The following EHD3 variants were observed in gnomAD, a reference collection of about 807,000 sequenced individuals.
The protein encoded by EHD3 is EH domain-containing protein 3.
Under a neutral mutation model 43.0 loss-of-function variants are expected in EHD3, and 17 were observed. The ratio of observed to expected loss-of-function variants is 0.40; its 90% CI spans 0.27 to 0.59. The LOEUF is 0.59. Ranked by LOEUF, EHD3 falls within the 20% of genes least tolerant of loss-of-function variation. EHD3 has a pLI of 0.49. For synonymous variants in EHD3, 313 were observed against 289.5 expected (o/e 1.08, Z -0.82); for missense variants, 594 against 705.6 (o/e 0.84, Z 1.79).
At chr2:31,245,278 T>C (rs558945731) in intron 2 of EHD3, among the ~76,000 whole-genome samples, 12 of 152,266 alleles carry the variant, frequency 7.9e-5, no homozygotes, top group Admixed American at 2.0e-4. Flanking sequence ...CAAAACTTAC[T>C]TGTTTCTAAT....
chr2:31,251,305 T>C (rs1160662584), intron 3 of EHD3, among the ~76,000 whole-genome samples: 1 of 152,128 alleles, frequency 6.6e-6, no homozygotes, highest in Non-Finnish European at 1.5e-5. Flanking sequence ...CTGCCATGGC[T>C]GGGAGTGGAA....
rs185658570 is a variant in EHD3 at position 31,237,561 on chromosome 2, C to T, written c.227+2713C>T. Among the ~76,000 whole-genome samples, 28 of 152,156 alleles carry T rather than the reference C, an allele frequency of 1.8e-4. No individual in the cohort carries two copies. The East Asian group carries it at 3.3e-3, about 18-fold the overall frequency. On this transcript the variant is annotated intron_variant, in intron 1 of 5. Transcript: ENST00000322054. ...CTGGGGTTACGGGCACCCGCCAACA[C>T]GCCTGGCCAATTTTTGTATTTTAAG... is the stretch of plus-strand genomic sequence containing the variant.
intron 1 of EHD3, among the ~76,000 whole-genome samples, chr2:31,242,871 C>A (rs676251): frequency 0.15 from 22,330 of 151,928 alleles, 1,875 homozygotes; most frequent in African/African-American, 0.21. Flanking sequence ...GAGGCAGAAG[C>A]ATCACTTGAA....
At chr2:31,256,020 G>A (rs1251505817) in intron 3 of EHD3, among the ~76,000 whole-genome samples, 1 of 152,168 alleles carries the variant, frequency 6.6e-6, no homozygotes, top group African/African-American at 2.4e-5. Context: ...GCAGAGAATT[G>A]TGAACCGAGA....
At position 31,256,558 on chromosome 2, in the gene EHD3, C is replaced by T. The variant is rs185875780; in HGVS notation, c.503-3952C>T. 3.3e-3 allele frequency among the ~76,000 whole-genome samples: 498 copies of T among 152,256 alleles called. 1 individual carries two copies. The highest frequency in any genetic ancestry group is 0.012 in the African/African-American group (478 of 41,546). ...CTGCCCTGTCCAGCTCCCAGTGCAC[C>T]GAGGATGATTTCAGTGAGCTGAAGA... On this transcript the variant is annotated intron_variant, in intron 3 of 5. Coordinates refer to ENST00000322054, the MANE Select transcript of EHD3 (RefSeq NM_014600.3).
At chr2:31,241,668 A>G (rs1204289634) in intron 1 of EHD3, among the ~76,000 whole-genome samples, 1 of 152,144 alleles carries the variant, frequency 6.6e-6, no homozygotes, top group Non-Finnish European at 1.5e-5. Context: ...AGTCTGAACG[A>G]TTACCCGCCA....
At chr2:31,257,061 C>T (rs540533742) in intron 3 of EHD3, among the ~76,000 whole-genome samples, 1 of 152,338 alleles carries the variant, frequency 6.6e-6, no homozygotes, top group South Asian at 2.1e-4. Flanking sequence ...AGCAGCCCCT[C>T]CTGTGGCCTG....
intron 1 of EHD3, among the ~76,000 whole-genome samples, chr2:31,236,988 G>T (rs1683336110): frequency 6.6e-6 from 1 of 152,188 alleles, no homozygotes; most frequent in Non-Finnish European, 1.5e-5. Flanking sequence ...GGGAGAGGCA[G>T]ATCGCTCTTC....
intron 4 of EHD3, 131 bp downstream of exon 4, chr2:31,261,053 C>A: frequency 9.6e-7 from 1 of 1,037,590 alleles, no homozygotes; most frequent in Non-Finnish European, 1.4e-6. Flanking sequence ...CAGGACAGTG[C>A]GGGAGCCATG....
intron 1 of EHD3, among the ~76,000 whole-genome samples, chr2:31,243,956 T>C (rs1683472568): frequency 6.6e-6 from 1 of 152,168 alleles, no homozygotes; most frequent in South Asian, 2.1e-4. Context: ...ATACTCTGTG[T>C]AAGAATCATT....
At chr2:31,239,845 G>C (rs1273749372) in intron 1 of EHD3, among the ~76,000 whole-genome samples, 2 of 51,206 alleles carry the variant, frequency 3.9e-5, no homozygotes, top group African/African-American at 2.7e-4. Context: ...CTCTCGAGCT[G>C]ACTCTAACAG....
intron 1 of EHD3, among the ~76,000 whole-genome samples, chr2:31,239,087 C>T (rs1370409476): frequency 6.6e-6 from 1 of 152,204 alleles, no homozygotes; most frequent in African/African-American, 2.4e-5. Context: ...AACCTCCCAC[C>T]CCAAAGGTGC....
At chr2:31,243,963 C>T (rs1683472624) in intron 1 of EHD3, among the ~76,000 whole-genome samples, 1 of 152,106 alleles carries the variant, frequency 6.6e-6, no homozygotes, top group Non-Finnish European at 1.5e-5. Flanking sequence ...GTGTAAGAAT[C>T]ATTTCAATCC....
intron 1 of EHD3, among the ~76,000 whole-genome samples, chr2:31,240,674 C>T (rs1269663839): frequency 6.6e-6 from 1 of 152,244 alleles, no homozygotes; most frequent in Non-Finnish European, 1.5e-5. Flanking sequence ...GAAGCCTTCA[C>T]TCATCTGCTG....
At chr2:31,265,319 ATT>A (rs1382059418) in intron 5 of EHD3, among the ~76,000 whole-genome samples, 1 of 152,184 alleles carries the variant, frequency 6.6e-6, no homozygotes, top group Non-Finnish European at 1.5e-5. Context: ...TGTGTGCTAG[ATT>A]TTTATACCAC....
intron 3 of EHD3, among the ~76,000 whole-genome samples, chr2:31,258,688 G>A (rs1572471074): frequency 6.6e-6 from 1 of 152,210 alleles, no homozygotes; most frequent in Admixed American, 6.5e-5. Context: ...CAGAGTCATC[G>A]TGAGGATTAA....
Position 31,269,373 on chromosome 2 carries a change from G to A in EHD3, c.*2669G>A, listed in dbSNP as rs1329174082. The A allele has an allele frequency of 6.6e-6, 1 of 152,232 alleles. No individual in the cohort carries two copies. Among genetic ancestry groups the A allele is most frequent in the Non-Finnish European group, 1.5e-5 (1 of 68,052 alleles). 9.4% of individuals were successfully genotyped at this position (152,232 alleles called of 1,614,324 possible). A position where few individuals can be genotyped will look rare whatever the true frequency, so the allele number is the denominator to read the frequency against. On this transcript the variant is annotated 3_prime_UTR_variant, in exon 6 of 6. Coordinates refer to ENST00000322054, the MANE Select transcript of EHD3 (RefSeq NM_014600.3). The stretch of plus-strand genomic sequence containing the variant: ...TGACATGAATGTAACTGAAATGCGG[G>A]TTAGTTGCTCAATGTATGCAAAGTC...
chr2:31,244,221 G>T (rs1036364731), intron 1 of EHD3, 53 bp from the exon 2 acceptor site: 2 of 1,565,274 alleles, frequency 1.3e-6, no homozygotes, highest in South Asian at 1.2e-5. Context: ...TAGACATGCC[G>T]TGTTGATCTT....
intron 5 of EHD3, among the ~76,000 whole-genome samples, chr2:31,265,728 C>A (rs775367794): frequency 1.3e-5 from 2 of 152,006 alleles, no homozygotes; most frequent in African/African-American, 2.4e-5. Context: ...AAGGCACTTG[C>A]GGTGATTTTC....
Sources: gnomAD v4.1 joint callset for allele counts (sites outside exome capture counted in the v4.1 genomes callset) on GRCh38, gnomAD v4.1.1 for gene constraint, MANE v1.5 for transcripts, NCBI Gene and HGNC (gene_info 2026-07-23, HGNC 2026-07-21) for gene names.